Variants in PAK1 observed in about 807,000 individuals in gnomAD.
PAK1 encodes serine/threonine-protein kinase PAK 1.
Under a neutral mutation model 67.4 loss-of-function variants are expected in PAK1, and 29 were observed. The ratio of observed to expected loss-of-function variants is 0.43; its 90% CI spans 0.32 to 0.59. The LOEUF (loss-of-function observed/expected upper bound fraction) is 0.59. PAK1 is among the 20% of genes least tolerant of loss of function. PAK1 has a pLI of 0.07. For synonymous variants in PAK1, 223 were observed against 237.4 expected (o/e 0.94, Z 0.56); for missense variants, 337 against 670.7 (o/e 0.50, Z 5.50).
At position 77,322,096 on chromosome 11, in the gene PAK1, A is replaced by G. The variant is rs1938600444; in HGVS notation, c.*1178T>C. 2 of 218,602 alleles carry G rather than the reference A, an allele frequency of 9.1e-6. No homozygotes were observed. The highest frequency in any genetic ancestry group is 1.8e-5 in the Non-Finnish European group (2 of 108,430). 13.5% of individuals were successfully genotyped at this position (218,602 alleles called of 1,614,324 possible). A position where few individuals can be genotyped will look rare whatever the true frequency, so the allele number is the denominator to read the frequency against. On this transcript the variant is annotated 3_prime_UTR_variant, in exon 15 of 15. Coordinates refer to ENST00000356341, the MANE Select transcript of PAK1 (RefSeq NM_002576.5). Reference sequence around the variant, plus strand: ...GTAGTACCTCAGAGCATGAGAAGGTAGTCAATGGGGCTGACATGACAAGCC... The same window carrying G: ...GTAGTACCTCAGAGCATGAGAAGGTGGTCAATGGGGCTGACATGACAAGCC...
intron 1 of PAK1, among the ~76,000 whole-genome samples, chr11:77,407,776 C>A (rs1241346761): frequency 6.6e-6 from 1 of 152,164 alleles, no homozygotes; most frequent in Non-Finnish European, 1.5e-5. Flanking sequence ...GATCAAATGA[C>A]TCAGAGAGGG....
At chr11:77,495,417 T>C in the PAK1 span, among the ~76,000 whole-genome samples, 2 of 151,142 alleles carry the variant, frequency 1.3e-5, no homozygotes, top group African/African-American at 4.9e-5. Flanking sequence ...GAGGTTGTAG[T>C]GAGCCAAGAT....
the PAK1 span, among the ~76,000 whole-genome samples, chr11:77,493,505 C>T: frequency 7.3e-5 from 9 of 123,462 alleles, no homozygotes; most frequent in East Asian, 2.2e-3. Context: ...GTTGGCCAGG[C>T]TGGTCTTGAA....
intron 1 of PAK1, among the ~76,000 whole-genome samples, chr11:77,460,604 T>C (rs3015988): frequency 0.21 from 32,249 of 151,764 alleles, 4,533 homozygotes; most frequent in Non-Finnish European, 0.31. Context: ...AGTAGAATGT[T>C]TGAATGATGC....
At chr11:77,341,433 TG>T (rs1422017931) in intron 10 of PAK1, among the ~76,000 whole-genome samples, 1 of 152,208 alleles carries the variant, frequency 6.6e-6, no homozygotes, top group African/African-American at 2.4e-5. Flanking sequence ...AAGAATGGAA[TG>T]AATTTAGCAA....
intron 5 of PAK1, 95 bp from the exon 6 acceptor site, chr11:77,359,112 A>G: frequency 1.7e-6 from 2 of 1,147,468 alleles, no homozygotes; most frequent in Admixed American, 4.3e-5. Flanking sequence ...CCCCATCCTG[A>G]TATCCCTTCT....
At chr11:77,370,908 G>T (rs1419042478) in intron 5 of PAK1, among the ~76,000 whole-genome samples, 2 of 152,096 alleles carry the variant, frequency 1.3e-5, no homozygotes, top group Non-Finnish European at 2.9e-5. Context: ...AAGCTCTCTG[G>T]CCTAACATAC....
At chr11:77,355,266 A>T (rs1008399910) in intron 7 of PAK1, among the ~76,000 whole-genome samples, 1 of 152,190 alleles carries the variant, frequency 6.6e-6, no homozygotes. Flanking sequence ...TCCTACAACC[A>T]AGATGGCAGA....
At chr11:77,508,736 T>G in the PAK1 span, among the ~76,000 whole-genome samples, 5 of 148,588 alleles carry the variant, frequency 3.4e-5, no homozygotes, top group Admixed American at 1.4e-4. Context: ...CTTGGCTCAC[T>G]GCAAGCTCCG....
At chr11:77,469,743 G>C (rs888480912) in intron 1 of PAK1, among the ~76,000 whole-genome samples, 4 of 151,284 alleles carry the variant, frequency 2.6e-5, no homozygotes, top group African/African-American at 9.7e-5. Flanking sequence ...AGCAAACACT[G>C]GTGTGGGAGA....
the PAK1 span, among the ~76,000 whole-genome samples, chr11:77,520,008 CCCTCCGCCCGTGG>C: frequency 6.6e-6 from 1 of 152,074 alleles, no homozygotes; most frequent in Non-Finnish European, 1.5e-5. Context: ...TGTGGCCCCC[CCCTCCGCCCGTGG>C]CTCCACCCCA....
At chr11:77,448,312 T>C (rs1956706113) in intron 1 of PAK1, among the ~76,000 whole-genome samples, 1 of 152,262 alleles carries the variant, frequency 6.6e-6, no homozygotes, top group African/African-American at 2.4e-5. Context: ...GGTACTTTCC[T>C]CTTTTATTGA....
intron 5 of PAK1, among the ~76,000 whole-genome samples, chr11:77,359,722 C>A (rs1946523221): frequency 6.6e-6 from 1 of 152,160 alleles, no homozygotes; most frequent in African/African-American, 2.4e-5. Context: ...CCCATGCAAA[C>A]TATAAGAGAG....
upstream of PAK1, chr11:77,475,591 T>A (rs1173971075): frequency 6.6e-6 from 1 of 152,228 alleles, no homozygotes; most frequent in Non-Finnish European, 1.5e-5. Flanking sequence ...ACACATTTCT[T>A]CATGTCTTCA....
intron 1 of PAK1, among the ~76,000 whole-genome samples, chr11:77,415,509 T>C (rs186249198): frequency 6.6e-6 from 1 of 152,298 alleles, no homozygotes; most frequent in East Asian, 1.9e-4. Flanking sequence ...CAAACTTGTA[T>C]AGCATGTTAC....
chr11:77,508,426 TGAGA>T, the PAK1 span, among the ~76,000 whole-genome samples: 2 of 152,168 alleles, frequency 1.3e-5, no homozygotes, highest in African/African-American at 4.8e-5. Context: ...ACCTGTCCTG[TGAGA>T]GAAAGACATC....
At chr11:77,505,306 G>A in the PAK1 span, among the ~76,000 whole-genome samples, 2 of 151,908 alleles carry the variant, frequency 1.3e-5, no homozygotes, top group South Asian at 2.1e-4. Context: ...TCCTGCCTCA[G>A]CCTCCTGAGT....
chr11:77,485,921 G>C, the PAK1 span, among the ~76,000 whole-genome samples: 1 of 152,136 alleles, frequency 6.6e-6, no homozygotes, highest in African/African-American at 2.4e-5. Flanking sequence ...CCTCTCTTAC[G>C]GTAAAAGAGA....
chr11:77,342,897 T>TC (rs1366181729), intron 10 of PAK1, among the ~76,000 whole-genome samples: 3 of 151,606 alleles, frequency 2.0e-5, no homozygotes, highest in African/African-American at 7.3e-5. Context: ...TTTTTTTTTT[T>TC]TCAGGTATCG....
Sources: allele counts gnomAD v4.1 joint callset (sites outside exome capture counted in the v4.1 genomes callset), GRCh38; gene constraint gnomAD v4.1.1; transcripts MANE v1.5; gene names NCBI Gene and HGNC (gene_info 2026-07-23, HGNC 2026-07-21).